Variants in GALNT9 observed in about 807,000 individuals in gnomAD.
GALNT9 encodes the protein GalNAc transferase 9.
A neutral mutation model predicts 63.1 loss-of-function variants in GALNT9; 47 were observed. The ratio of observed to expected loss-of-function variants is 0.75; its 90% CI spans 0.59 to 0.95. GALNT9 has a LOEUF of 0.95. Ranked by LOEUF, GALNT9 falls within the 40% of genes least tolerant of loss-of-function variation. The pLI, the probability that GALNT9 is intolerant of heterozygous loss-of-function variation, is 0.00. For synonymous variants in GALNT9, 396 were observed against 365.7 expected (o/e 1.08, Z -0.94); for missense variants, 829 against 874.8 (o/e 0.95, Z 0.66).
chr12:132,199,126 T>C lies in GALNT9; in HGVS notation c.1497+48A>G, dbSNP rs779111398. The C allele has an allele frequency of 6.9e-6, 9 of 1,299,358 alleles. No homozygotes were observed. The South Asian group carries it at 1.1e-4, about 15-fold the overall frequency. 80.5% of individuals were successfully genotyped at this position (1,299,358 alleles called of 1,614,324 possible). On this transcript the variant is annotated intron_variant, in intron 9 of 10. Transcript: ENST00000328957. ...CCCAGGGTGTAGGGTCCGGGTGGCC[T>C]GGGGTCGTCCCCTTGGGAGCTGCAT... is the stretch of plus-strand genomic sequence containing the variant.
At chr12:132,258,669 C>T (rs190637764) in intron 4 of GALNT9, among the ~76,000 whole-genome samples, 165 of 152,278 alleles carry the variant, frequency 1.1e-3, no homozygotes, top group Non-Finnish European at 1.6e-3. Flanking sequence ...CCGGACAGAG[C>T]GATGGGGCAA....
chr12:132,204,485 G>A (rs186753921), intron 6 of GALNT9, among the ~76,000 whole-genome samples: 3 of 152,242 alleles, frequency 2.0e-5, no homozygotes, highest in Admixed American at 6.5e-5. Flanking sequence ...CAGAAAGGCC[G>A]AGGCAGGGAG....
intron 1 of GALNT9, among the ~76,000 whole-genome samples, chr12:132,295,425 T>C (rs1196932779): frequency 6.6e-6 from 1 of 152,270 alleles, no homozygotes; most frequent in Admixed American, 6.5e-5. Flanking sequence ...CCTGGGGACC[T>C]GTGAACAGGA....
chr12:132,197,754 C>A, intron 10 of GALNT9, 38 bp downstream of exon 10: 1 of 1,337,408 alleles, frequency 7.5e-7, no homozygotes, highest in African/African-American at 2.0e-5. Flanking sequence ...AGCCCTGCCC[C>A]GCCCCAACCC....
intron 6 of GALNT9, among the ~76,000 whole-genome samples, chr12:132,217,110 C>T (rs1009583679): frequency 1.3e-5 from 2 of 152,168 alleles, no homozygotes; most frequent in Non-Finnish European, 2.9e-5. Context: ...GATAGAATGA[C>T]CCACTCATCC....
At chr12:132,326,440 A>G (rs1869038713) in intron 1 of GALNT9, among the ~76,000 whole-genome samples, 1 of 152,214 alleles carries the variant, frequency 6.6e-6, no homozygotes, top group Admixed American at 6.5e-5. Flanking sequence ...GAATCTGCAC[A>G]CATTCCTTAG....
chr12:132,263,830 G>C (rs1466630059), intron 2 of GALNT9, among the ~76,000 whole-genome samples: 1 of 152,222 alleles, frequency 6.6e-6, no homozygotes, highest in Non-Finnish European at 1.5e-5. Flanking sequence ...CGCCTCCTCG[G>C]AGCAGTGGAG....
chr12:132,217,457 T>C (rs1877252797), intron 6 of GALNT9, among the ~76,000 whole-genome samples: 1 of 149,284 alleles, frequency 6.7e-6, no homozygotes, highest in Admixed American at 6.7e-5. Context: ...CATCCATCCC[T>C]GCATCCAGCC....
In GALNT9 at chr12:132,197,079, G is replaced by T; in HGVS notation, c.*28C>A. On this transcript the variant is annotated 3_prime_UTR_variant, in exon 11 of 11. Coordinates refer to ENST00000328957, the MANE Select transcript of GALNT9 (RefSeq NM_001122636.2). ...TGGCTCGGCCCAGCGCCTTCCCGAGGTCTGTGGGGGTCCGGGCGGAGGTGG... is the reference window on the plus strand; with the variant it reads ...TGGCTCGGCCCAGCGCCTTCCCGAGTTCTGTGGGGGTCCGGGCGGAGGTGG... The T allele has an allele frequency of 1.2e-6, 2 of 1,612,516 alleles. No individual in the cohort carries two copies. Among genetic ancestry groups the T allele is most frequent in the African/African-American group, 1.3e-5 (1 of 75,054 alleles).
chr12:132,293,121 C>T (rs964572711), intron 1 of GALNT9, among the ~76,000 whole-genome samples: 1 of 152,144 alleles, frequency 6.6e-6, no homozygotes, highest in Non-Finnish European at 1.5e-5. Context: ...GGCCAGGCCT[C>T]AACCTTTAGT....
rs77945586 is a variant in GALNT9 at position 132,327,129 on chromosome 12, G to A, written c.238+1837C>T. Among the ~76,000 whole-genome samples the A allele has an allele frequency of 2.0e-5, 3 of 152,268 alleles. No individual in the cohort carries two copies. The highest frequency in any genetic ancestry group is 4.8e-5 in the African/African-American group (2 of 41,556). On this transcript the variant is annotated intron_variant, in intron 1 of 10. Transcript: ENST00000328957. This position sits in a 1 kb window ranked among gnomAD's most constrained non-coding sequence, Gnocchi z 4.3. ...CAGAGGCAGACAGATGGCAGGGGCC[G>A]TTCGGAGAAAGGCTGACAAGGGAGG...
At chr12:132,240,497 C>A (rs781826195) in intron 6 of GALNT9, 1 of 409,766 alleles carries the variant, frequency 2.4e-6, no homozygotes, top group South Asian at 1.7e-5. Context: ...GGACCCCGGG[C>A]GGCACTCACT....
At chr12:132,228,479 G>A (rs1405592914) in intron 6 of GALNT9, among the ~76,000 whole-genome samples, 30 of 147,632 alleles carry the variant, frequency 2.0e-4, no homozygotes, top group African/African-American at 7.7e-4. Context: ...AGACAGGGCG[G>A]CCAGTCAGCA....
intron 1 of GALNT9, among the ~76,000 whole-genome samples, chr12:132,287,061 C>A (rs1555242262): frequency 2.7e-4 from 2 of 7,304 alleles, no homozygotes; most frequent in East Asian, 6.8e-3. Context: ...GAGTGAGCGC[C>A]CCCCCCCCCC....
intron 8 of GALNT9, among the ~76,000 whole-genome samples, chr12:132,199,929 C>T (rs573953019): frequency 3.9e-5 from 6 of 152,324 alleles, no homozygotes; most frequent in South Asian, 2.1e-4. Flanking sequence ...CCATCCACCA[C>T]GGCCACCACG....
chr12:132,224,547 A>C (rs1440016464), intron 6 of GALNT9, among the ~76,000 whole-genome samples: 17 of 22,420 alleles, frequency 7.6e-4, no homozygotes, highest in African/African-American at 3.0e-3. Flanking sequence ...ACCCCACACA[A>C]CCCACACCCC....
At chr12:132,230,158 G>A (rs1877837913) in intron 6 of GALNT9, among the ~76,000 whole-genome samples, 1 of 152,102 alleles carries the variant, frequency 6.6e-6, no homozygotes, top group South Asian at 2.1e-4. Context: ...CCCAGCTGTG[G>A]AGAGGCCGCG....
rs182988280 is a variant in GALNT9 at position 132,214,411 on chromosome 12, G to A, written c.1078-10721C>T. Among the ~76,000 whole-genome samples the A allele has an allele frequency of 3.6e-3, 546 of 152,324 alleles. 3 individuals are homozygous for A. The highest frequency in any genetic ancestry group is 0.027 in the Middle Eastern group (8 of 294). ...CCCGAGAGGCCTGCCCCTCCCGGGT[G>A]AGTGATTTCCTAGAGCTAGTGAGCA... On this transcript the variant is annotated intron_variant, in intron 6 of 10. Coordinates refer to ENST00000328957, the MANE Select transcript of GALNT9 (RefSeq NM_001122636.2).
chr12:132,222,386 T>C (rs902280673), intron 6 of GALNT9, among the ~76,000 whole-genome samples: 2 of 152,078 alleles, frequency 1.3e-5, no homozygotes, highest in African/African-American at 4.8e-5. Context: ...AAGGCCAGCC[T>C]GGGCAACATG....
Sources: allele counts gnomAD v4.1 joint callset (sites outside exome capture counted in the v4.1 genomes callset), GRCh38; gene constraint gnomAD v4.1.1; non-coding constraint Gnocchi (gnomAD v3.1); transcripts MANE v1.5; gene names NCBI Gene and HGNC (gene_info 2026-07-23, HGNC 2026-07-21).